Variants in SEMA3A observed in about 807,000 individuals in gnomAD.
The protein encoded by SEMA3A is semaphorin 3A.
Under a neutral mutation model 97.9 loss-of-function variants are expected in SEMA3A, and 29 were observed. The ratio of observed to expected loss-of-function variants is 0.30; its 90% CI spans 0.22 to 0.40. The LOEUF (loss-of-function observed/expected upper bound fraction) is 0.40, where lower values mean the gene tolerates loss of function less well. SEMA3A is among the 10% of genes least tolerant of loss of function. The probability of loss-of-function intolerance (pLI) is 1.00; values close to 1 mark genes in which losing one functional copy is unlikely to be tolerated. For missense variants in SEMA3A, 763 were observed against 951.3 expected, an observed-to-expected ratio of 0.80 and a Z score of 2.60; for synonymous variants, 321 against 323.7, an observed-to-expected ratio of 0.99 and a Z score of 0.09.
chr7:83,979,308 A>G (rs1789298394), intron 14 of SEMA3A, among the ~76,000 whole-genome samples: 1 of 151,998 alleles, frequency 6.6e-6, no homozygotes, highest in African/African-American at 2.4e-5. Context: ...TAATTGTTGT[A>G]TTTTTAGTAG....
upstream of SEMA3A, among the ~76,000 whole-genome samples, chr7:84,197,220 T>C (rs1425482610): frequency 2.0e-5 from 3 of 152,192 alleles, no homozygotes; most frequent in East Asian, 1.9e-4. Flanking sequence ...GATATGATTA[T>C]TTATATTTGA....
chr7:84,342,831 C>G (rs567279090), intron 2 of SEMA3A, among the ~76,000 whole-genome samples: 1 of 152,194 alleles, frequency 6.6e-6, no homozygotes, highest in East Asian at 1.9e-4. Flanking sequence ...TGTGCCAGGC[C>G]TTGAATGGTG....
chr7:84,041,241 A>C (rs1247398334), intron 6 of SEMA3A, among the ~76,000 whole-genome samples: 3 of 152,156 alleles, frequency 2.0e-5, no homozygotes, highest in Non-Finnish European at 4.4e-5. Flanking sequence ...AAAGTGACAG[A>C]GAAAGTATGT....
chr7:84,225,506 T>C (rs1301919274), intron 3 of SEMA3A, among the ~76,000 whole-genome samples: 1 of 152,128 alleles, frequency 6.6e-6, no homozygotes, highest in African/African-American at 2.4e-5. Context: ...TAGTGGAATA[T>C]CTCTTTCACA....
At chr7:84,287,588 AT>A (rs570783206) in intron 3 of SEMA3A, among the ~76,000 whole-genome samples, 39 of 151,918 alleles carry the variant, frequency 2.6e-4, no homozygotes, top group African/African-American at 6.8e-4. Context: ...AATTTGTTTA[AT>A]TTTTTTTCCC....
At chr7:84,005,581 A>C in intron 10 of SEMA3A, 23 bp from the exon 11 acceptor site, 1 of 1,449,234 alleles carries the variant, frequency 6.9e-7, no homozygotes, top group Non-Finnish European at 9.6e-7. Context: ...AGAGAAAATT[A>C]TCTTTTGATT....
intron 1 of SEMA3A, among the ~76,000 whole-genome samples, chr7:84,453,887 TAGAAA>T (rs575707111): frequency 6.6e-5 from 10 of 152,178 alleles, no homozygotes; most frequent in Non-Finnish European, 1.5e-4. Flanking sequence ...CTTTTTTTTC[TAGAAA>T]AGAAAGTAAT....
At chr7:84,252,685 G>T (rs1304541294) in intron 3 of SEMA3A, among the ~76,000 whole-genome samples, 1 of 152,066 alleles carries the variant, frequency 6.6e-6, no homozygotes, top group East Asian at 1.9e-4. Flanking sequence ...GCTATATAGT[G>T]AAGAATAAAA....
At chr7:84,073,863 T>TAAAAAAAA (rs57789538) in intron 4 of SEMA3A, among the ~76,000 whole-genome samples, 1 of 101,682 alleles carries the variant, frequency 9.8e-6, no homozygotes. Flanking sequence ...TAAAAAAAGC[T>TAAAAAAAA]AAAAAAAAAA....
chr7:84,314,160 T>C (rs950228279), intron 2 of SEMA3A, among the ~76,000 whole-genome samples: 2 of 152,104 alleles, frequency 1.3e-5, no homozygotes, highest in Non-Finnish European at 2.9e-5. Context: ...AAAATTGGTC[T>C]ATATCCTAGA....
intron 3 of SEMA3A, among the ~76,000 whole-genome samples, chr7:84,272,466 G>T (rs1353723829): frequency 6.6e-6 from 1 of 151,886 alleles, no homozygotes; most frequent in African/African-American, 2.4e-5. Context: ...TGAAGTAATA[G>T]AAAAAAATTT....
intron 1 of SEMA3A, among the ~76,000 whole-genome samples, chr7:84,473,352 CTT>C (rs1174167616): frequency 6.7e-6 from 1 of 149,050 alleles, no homozygotes; most frequent in Non-Finnish European, 1.5e-5. Flanking sequence ...ATAGATAAAT[CTT>C]ATATACTTTA....
chr7:84,362,183 C>G (rs750230195), intron 2 of SEMA3A, among the ~76,000 whole-genome samples: 2 of 151,432 alleles, frequency 1.3e-5, no homozygotes, highest in Non-Finnish European at 2.9e-5. Flanking sequence ...AGTTTAAGAC[C>G]AACCTGGGCA....
Position 84,143,949 on chromosome 7 carries a change from TAACACACACACA to T in SEMA3A, c.113-9010_113-8999del, listed in dbSNP as rs1261402576. 6.9e-4 allele frequency among the ~76,000 whole-genome samples: 28 copies of T among 40,492 alleles called. 1 individual carries two copies. In the South Asian group the frequency reaches 7.2e-3, roughly 10 times the overall value. The allele number at this position is 40,492 out of a possible 152,430, so 26.6% of individuals were successfully genotyped here. On this transcript the variant is annotated intron_variant, in intron 1 of 16. Coordinates refer to ENST00000265362, the MANE Select transcript of SEMA3A (RefSeq NM_006080.3). ...CTCTCTCTCTCTCTCTCTCTCTCTC[TAACACACACACA>T]CACACACACACACACACACACACAC...
chr7:84,341,491 C>A (rs1453341092), intron 2 of SEMA3A, among the ~76,000 whole-genome samples: 1 of 151,966 alleles, frequency 6.6e-6, no homozygotes, highest in East Asian at 1.9e-4. Context: ...CTGATTCTTA[C>A]ACTAGTTCAT....
chr7:84,413,505 G>A (rs1164724258), intron 1 of SEMA3A, among the ~76,000 whole-genome samples: 1 of 152,128 alleles, frequency 6.6e-6, no homozygotes, highest in Non-Finnish European at 1.5e-5. Context: ...GCATGTGCCT[G>A]TAGTCCCAGC....
intron 1 of SEMA3A, among the ~76,000 whole-genome samples, chr7:84,142,668 G>A (rs1796327023): frequency 6.6e-6 from 1 of 152,012 alleles, no homozygotes; most frequent in African/African-American, 2.4e-5. Context: ...TATTTTATTT[G>A]CTCTGTACTT....
rs149970871 is a variant in SEMA3A at position 84,147,986 on chromosome 7, T to G, written c.113-13035A>C. Among the ~76,000 whole-genome samples, 953 of 152,264 alleles carry G rather than the reference T, an allele frequency of 6.3e-3. 9 individuals carry two copies. Among genetic ancestry groups the G allele is most frequent in the Middle Eastern group, 0.027 (8 of 294 alleles). ...GTGCAGTAGCATGATCTTGGCTCAC[T>G]GCAACCTCTGCCTCCTGGGTTCAAG... On this transcript the variant is annotated intron_variant, in intron 1 of 16. Coordinates refer to ENST00000265362, the MANE Select transcript of SEMA3A (RefSeq NM_006080.3).
At chr7:84,468,635 A>C (rs1367618127) in intron 1 of SEMA3A, among the ~76,000 whole-genome samples, 1 of 152,178 alleles carries the variant, frequency 6.6e-6, no homozygotes, top group Non-Finnish European at 1.5e-5. Context: ...ATAAATTCTG[A>C]ATGAGTAAAC....
Sources: allele counts gnomAD v4.1 joint callset (sites outside exome capture counted in the v4.1 genomes callset), GRCh38; gene constraint gnomAD v4.1.1; transcripts MANE v1.5; gene names NCBI Gene and HGNC (gene_info 2026-07-23, HGNC 2026-07-21).